Variants in SOHLH2 observed in about 807,000 individuals in gnomAD.
SOHLH2 encodes the protein spermatogenesis- and oogenesis-specific basic helix-loop-helix-containing protein 2.
A neutral mutation model predicts 50.4 loss-of-function variants in SOHLH2; 22 were observed. The ratio of observed to expected loss-of-function variants is 0.44; its 90% confidence interval spans 0.31 to 0.62. The LOEUF (loss-of-function observed/expected upper bound fraction) is 0.62. SOHLH2 is among the 20% of genes least tolerant of loss of function. SOHLH2 has a pLI of 0.08. For missense variants in SOHLH2, 412 were observed against 504.4 expected, an observed-to-expected ratio of 0.82 and a Z score of 1.76; for synonymous variants, 185 against 187.3, an observed-to-expected ratio of 0.99 and a Z score of 0.10.
At chr13:36,201,595 T>G (rs557073615) in intron 2 of SOHLH2, among the ~76,000 whole-genome samples, 63 of 152,102 alleles carry the variant, frequency 4.1e-4, no homozygotes, top group African/African-American at 1.5e-3. Flanking sequence ...GTCCTCCCAG[T>G]AACTGGAACT....
chr13:36,185,316 A>C (rs1479729866), intron 6 of SOHLH2, among the ~76,000 whole-genome samples: 1 of 151,990 alleles, frequency 6.6e-6, no homozygotes, highest in Non-Finnish European at 1.5e-5. Flanking sequence ...AAAATACAAA[A>C]ATTAGCCAGG....
At chr13:36,169,133 T>C in intron 10 of SOHLH2, 79 bp from the exon 11 acceptor site, 1 of 1,541,722 alleles carries the variant, frequency 6.5e-7, no homozygotes, top group Non-Finnish European at 8.7e-7. Flanking sequence ...GTATTTTCTA[T>C]ATCCTAAAAC....
In SOHLH2 at chr13:36,169,037, A is replaced by G; in HGVS notation, c.1275T>C (p.Tyr425=). The G allele has an allele frequency of 6.2e-7, 1 of 1,607,692 alleles. No individual in the cohort carries two copies. Among genetic ancestry groups the G allele is most frequent in the South Asian group, 1.1e-5 (1 of 89,918 alleles). ...TGTGAATTTCAAACATGTGCTTTTA[A>G]TACGCCCAAAACTGTTGCTGCAAAG... ...HPNCLQQFWA[Y] is the part of the protein sequence containing the mutation. The change falls in exon 11 of 11, where the codon TAT becomes TAC. Residue 425 remains tyrosine (Y), a synonymous_variant. Coordinates refer to ENST00000379881, the MANE Select transcript of SOHLH2 (RefSeq NM_017826.3).
chr13:36,202,032 T>C lies in SOHLH2; in HGVS notation c.110A>G (p.Gln37Arg), dbSNP rs767275903. The change falls in exon 2 of 11, where the codon CAG (glutamine) becomes CGG (arginine). Residue 37 changes from glutamine to arginine, a missense_variant. Physicochemically the swap from Gln to Arg is conservative, Grantham distance 43 (BLOSUM62 1). Transcript: ENST00000379881. Reference protein sequence around the residue: ...VTVGYLADTVQKLFANIAEVT... With the variant: ...VTVGYLADTVRKLFANIAEVT... Reference sequence around the variant, plus strand: ...TTCTGCTATGTTTGCAAATAGTTTCTGTACAGTATCAGCCAGGTAGCCCAC... The same window carrying C: ...TTCTGCTATGTTTGCAAATAGTTTCCGTACAGTATCAGCCAGGTAGCCCAC... 1.2e-6 allele frequency: 2 copies of C among 1,614,110 alleles called. No homozygotes were observed. Among genetic ancestry groups the C allele is most frequent in the South Asian group, 1.1e-5 (1 of 91,088 alleles).
At chr13:36,209,618 T>G (rs912595225) in intron 1 of SOHLH2, among the ~76,000 whole-genome samples, 2 of 152,110 alleles carry the variant, frequency 1.3e-5, no homozygotes, top group African/African-American at 4.8e-5. Flanking sequence ...CCTAATCACC[T>G]CCCAAAGACC....
chr13:36,195,926 G>A (rs968120459), intron 2 of SOHLH2, among the ~76,000 whole-genome samples: 8 of 152,034 alleles, frequency 5.3e-5, no homozygotes, highest in Non-Finnish European at 8.8e-5. Context: ...ATGCAGGAGG[G>A]AGGATAGAGT....
At chr13:36,199,695 AAGTG>A (rs2138314540) in intron 2 of SOHLH2, among the ~76,000 whole-genome samples, 1 of 152,368 alleles carries the variant, frequency 6.6e-6, no homozygotes, top group East Asian at 1.9e-4. Flanking sequence ...AAAGCTGCTG[AAGTG>A]AGTATCAGAC....
chr13:36,187,717 C>T (rs768502733), intron 6 of SOHLH2, among the ~76,000 whole-genome samples: 4 of 152,184 alleles, frequency 2.6e-5, no homozygotes, highest in Non-Finnish European at 4.4e-5. Flanking sequence ...CACATTGAGC[C>T]TAAACTCCTC....
In SOHLH2 at chr13:36,193,682, T is replaced by C; in HGVS notation, c.369A>G (p.Pro123=). ...GHGMDIALTE[P]LTMEKMSNVV... ...CATTACTCATTTTTTCCATTGTCAG[T>C]GGTTCAGTTAAAGCAATATCCATTC... The change falls in exon 4 of 11, where the codon CCA becomes CCG. Residue 123 remains proline (P), a synonymous_variant. Coordinates refer to ENST00000379881, the MANE Select transcript of SOHLH2 (RefSeq NM_017826.3). 1.2e-6 allele frequency: 2 copies of C among 1,613,426 alleles called. No homozygotes were observed. The highest frequency in any genetic ancestry group is 2.2e-5 in the South Asian group (2 of 90,812).
intron 6 of SOHLH2, among the ~76,000 whole-genome samples, chr13:36,187,023 G>A (rs539263051): frequency 1.3e-5 from 2 of 152,238 alleles, no homozygotes; most frequent in South Asian, 4.1e-4. Context: ...ACTAATCAGG[G>A]ATGGTGTTTA....
At chr13:36,193,288 C>G (rs1222700368) in intron 4 of SOHLH2, among the ~76,000 whole-genome samples, 3 of 152,100 alleles carry the variant, frequency 2.0e-5, no homozygotes, top group African/African-American at 7.2e-5. Context: ...AGGTTAGGGC[C>G]CCTGGCTTTT....
chr13:36,206,878 T>A (rs558065080), intron 1 of SOHLH2, among the ~76,000 whole-genome samples: 3 of 151,450 alleles, frequency 2.0e-5, no homozygotes, highest in Non-Finnish European at 4.4e-5. Context: ...TATATAACTA[T>A]AATATTTAAC....
chr13:36,191,684 C>T, intron 5 of SOHLH2, 111 bp downstream of exon 5: 3 of 1,244,416 alleles, frequency 2.4e-6, no homozygotes, highest in South Asian at 2.8e-5. Context: ...CCCACAGTGC[C>T]AGCTCAGGAT....
intron 1 of SOHLH2, among the ~76,000 whole-genome samples, chr13:36,211,540 G>C (rs1869121455): frequency 6.6e-6 from 1 of 152,188 alleles, no homozygotes; most frequent in Non-Finnish European, 1.5e-5. Context: ...AATATAGGAA[G>C]AATAGAGTAT....
chr13:36,180,095 G>C (rs756026572), intron 6 of SOHLH2, among the ~76,000 whole-genome samples: 14 of 152,134 alleles, frequency 9.2e-5, no homozygotes, highest in Non-Finnish European at 2.1e-4. Flanking sequence ...CCGACTTTCT[G>C]CTTCATCTGG....
At chr13:36,169,922 TAA>T (rs1886916716) in intron 10 of SOHLH2, among the ~76,000 whole-genome samples, 1 of 152,200 alleles carries the variant, frequency 6.6e-6, no homozygotes, top group Non-Finnish European at 1.5e-5. Flanking sequence ...AACCATATTG[TAA>T]TTTCTGCTTC....
At chr13:36,214,308 G>A (rs544796427) in intron 1 of SOHLH2, among the ~76,000 whole-genome samples, 171 bp downstream of exon 1, 4 of 152,084 alleles carry the variant, frequency 2.6e-5, no homozygotes, top group Admixed American at 2.0e-4. Context: ...TCGGGGCGCC[G>A]GGGGAGAGTG....
chr13:36,200,574 T>C (rs1483442907), intron 2 of SOHLH2, among the ~76,000 whole-genome samples: 1 of 152,234 alleles, frequency 6.6e-6, no homozygotes, highest in Non-Finnish European at 1.5e-5. Flanking sequence ...TATCTTGTAA[T>C]GCAGAGAAGC....
intron 2 of SOHLH2, among the ~76,000 whole-genome samples, chr13:36,200,027 G>A (rs1315979752): frequency 6.6e-6 from 1 of 152,142 alleles, no homozygotes; most frequent in Admixed American, 6.5e-5. Flanking sequence ...CAGACTTCTA[G>A]AAAGAAAATG....
Sources: allele counts gnomAD v4.1 joint callset (sites outside exome capture counted in the v4.1 genomes callset), GRCh38; gene constraint gnomAD v4.1.1; transcripts MANE v1.5; gene names NCBI Gene and HGNC (gene_info 2026-07-23, HGNC 2026-07-21).